The following MCRIP1 variants were observed in gnomAD, a reference collection of about 807,000 sequenced individuals.
MCRIP1 encodes mapk-regulated corepressor-interacting protein 1.
MCRIP1 carries 10 observed loss-of-function variants against 14.4 expected under a neutral mutation model. The ratio of observed to expected loss-of-function variants is 0.70; its 90% CI spans 0.43 to 1.18. MCRIP1 has a LOEUF of 1.18. Among genes scored for constraint, MCRIP1 ranks in the 50% most tolerant of loss-of-function variants. The probability of loss-of-function intolerance (pLI) is 0.00; values close to 1 mark genes in which losing one functional copy is unlikely to be tolerated. For synonymous variants in MCRIP1, 53 were observed against 55.7 expected (o/e 0.95, Z 0.21); for missense variants, 119 against 135.4 (o/e 0.88, Z 0.60).
In MCRIP1 at chr17:81,823,850, G is replaced by A. The variant is rs889496961; in HGVS notation, c.128-337C>T. 1.6e-5 allele frequency: 9 copies of A among 551,022 alleles called. No homozygotes were observed. The highest frequency in any genetic ancestry group is 5.7e-5 in the African/African-American group (3 of 52,890). The allele number at this position is 551,022 out of a possible 1,614,324, so 34.1% of individuals were successfully genotyped here. ...TCCCACCTCATCCACGCACCTCCCC[G>A]GCCCCAGCACACGGCACACTCCCCT... On this transcript the variant is annotated intron_variant, in intron 3 of 4. Transcript: ENST00000455127. The surrounding 1 kb of genome is among the most constrained non-coding windows in gnomAD (Gnocchi z 6.0).
At chr17:81,830,751 G>A (rs570081370) in intron 1 of MCRIP1, among the ~76,000 whole-genome samples, 8 of 151,248 alleles carry the variant, frequency 5.3e-5, no homozygotes, top group Non-Finnish European at 1.0e-4. Flanking sequence ...GACCAGGTGC[G>A]GTGACTCACG....
At chr17:81,828,307 G>C (rs2038452877) in intron 1 of MCRIP1, among the ~76,000 whole-genome samples, 1 of 139,130 alleles carries the variant, frequency 7.2e-6, no homozygotes, top group African/African-American at 2.8e-5. Flanking sequence ...GGCTTTCCTG[G>C]ATGTGCCAGC....
intron 2 of MCRIP1, 40 bp from the exon 3 acceptor site, chr17:81,824,445 G>T (rs1370180206): frequency 1.3e-6 from 2 of 1,534,180 alleles, no homozygotes; most frequent in Admixed American, 2.0e-5. Context: ...ACACAGCAGG[G>T]TGGGAGCCCA....
At chr17:81,831,966 A>T (rs34544633) in intron 1 of MCRIP1, among the ~76,000 whole-genome samples, 34,890 of 151,964 alleles carry the variant, frequency 0.23, 4,566 homozygotes, top group African/African-American at 0.36. Flanking sequence ...AGAGACTTCC[A>T]GGTGGGGAGG....
Position 81,823,871 on chromosome 17 carries a change from C to G in MCRIP1, c.128-358G>C, listed in dbSNP as rs1409957796. On this transcript the variant is annotated intron_variant, in intron 3 of 4. Coordinates refer to ENST00000455127, the MANE Select transcript of MCRIP1 (RefSeq NM_207368.5). This position sits in a 1 kb window ranked among gnomAD's most constrained non-coding sequence, Gnocchi z 6.0. Reference sequence around the variant, plus strand: ...CCCCGGCCCCAGCACACGGCACACTCCCCTAATCCCAGACAACCACCTCCC... The same window carrying G: ...CCCCGGCCCCAGCACACGGCACACTGCCCTAATCCCAGACAACCACCTCCC... The G allele has an allele frequency of 3.7e-6, 2 of 538,690 alleles. No homozygotes were observed. The highest frequency in any genetic ancestry group is 6.6e-6 in the Non-Finnish European group (2 of 303,734). 33.4% of individuals were successfully genotyped at this position (538,690 alleles called of 1,614,324 possible). A position where few individuals can be genotyped will look rare whatever the true frequency, so the allele number is the denominator to read the frequency against.
chr17:81,831,402 CAA>C (rs577541495), intron 1 of MCRIP1, among the ~76,000 whole-genome samples: 6,224 of 67,734 alleles, frequency 0.092, 453 homozygotes, highest in African/African-American at 0.26. Flanking sequence ...TCTCTGCCCT[CAA>C]AAAAAAAAAA....
intron 1 of MCRIP1, chr17:81,825,475 A>G (rs2038371387): frequency 1.7e-6 from 2 of 1,201,058 alleles, no homozygotes; most frequent in Non-Finnish European, 2.1e-6. Context: ...GGCTTTGAGC[A>G]CAAGCAACTC....
Position 81,823,471 on chromosome 17 carries a change from C to G in MCRIP1, c.170G>C (p.Gly57Ala), listed in dbSNP as rs1178894031. The G allele has an allele frequency of 6.5e-6, 10 of 1,536,536 alleles. No homozygotes were observed. The highest frequency in any genetic ancestry group is 8.7e-6 in the Non-Finnish European group (10 of 1,146,794). Residue 57 changes from glycine to alanine, a missense_variant, in exon 4 of 5, where the codon GGT (glycine) becomes GCT (alanine). Coordinates refer to ENST00000455127, the MANE Select transcript of MCRIP1 (RefSeq NM_207368.5). The surrounding 1 kb of genome is among the most constrained non-coding windows in gnomAD (Gnocchi z 6.0). ...VERDLRGQVP[G>A]GERGLVEEYV... ...CTCCTCCACCAGGCCCCGCTCGCCA[C>G]CCGGCACCTGGCCTCGCAGGTCTCG...
Position 81,823,523 on chromosome 17 carries a change from C to A in MCRIP1, c.128-10G>T. 6.5e-7 allele frequency: 1 copy of A among 1,535,606 alleles called. No individual in the cohort carries two copies. Among genetic ancestry groups the A allele is most frequent in the South Asian group, 1.2e-5 (1 of 84,012 alleles). On this transcript the variant is annotated splice_polypyrimidine_tract_variant and intron_variant, in intron 3 of 4. Transcript: ENST00000455127. This position sits in a 1 kb window ranked among gnomAD's most constrained non-coding sequence, Gnocchi z 6.0. ...TCCACACCCTGCCAGGCTGCAGAGG[C>A]AGAGAGTGGTGTGCTCAGGGCCCCC... is the stretch of plus-strand genomic sequence containing the variant.
intron 1 of MCRIP1, among the ~76,000 whole-genome samples, chr17:81,827,448 T>C (rs894555858): frequency 6.6e-6 from 1 of 151,534 alleles, no homozygotes; most frequent in African/African-American, 2.4e-5. Flanking sequence ...ATTTTTTGTA[T>C]TATTAGTAGA....
Position 81,823,497 on chromosome 17 carries a change from C to T in MCRIP1, c.144G>A (p.Glu48=), listed in dbSNP as rs1327791175. The T allele has an allele frequency of 2.6e-6, 4 of 1,536,236 alleles. No homozygotes were observed. Among genetic ancestry groups the T allele is most frequent in the Non-Finnish European group, 3.5e-6 (4 of 1,146,760 alleles). ...RFIYEAWQGV[E]RDLRGQVPGG... ...CCGGCACCTGGCCTCGCAGGTCTCG[C>T]TCCACACCCTGCCAGGCTGCAGAGG... Residue 48 remains glutamate (E), a synonymous_variant, in exon 4 of 5, where the codon GAG becomes GAA. Coordinates refer to ENST00000455127, the MANE Select transcript of MCRIP1 (RefSeq NM_207368.5). The surrounding 1 kb of genome is among the most constrained non-coding windows in gnomAD (Gnocchi z 6.0).
At chr17:81,826,603 T>G in intron 1 of MCRIP1, 1 of 533,968 alleles carries the variant, frequency 1.9e-6, no homozygotes, top group South Asian at 2.3e-5. Context: ...GTGGATCAGC[T>G]GAGGTCAGGA....
chr17:81,826,696 G>A (rs912252205), intron 1 of MCRIP1: 28 of 333,600 alleles, frequency 8.4e-5, no homozygotes, highest in African/African-American at 5.1e-4. Flanking sequence ...GCAGGCACCC[G>A]TAATCCCAGC....
intron 1 of MCRIP1, among the ~76,000 whole-genome samples, chr17:81,828,193 A>G (rs2038449031): frequency 6.6e-6 from 1 of 152,078 alleles, no homozygotes; most frequent in Admixed American, 6.6e-5. Flanking sequence ...GTCTTCCCAG[A>G]CACGAAGAGC....
At chr17:81,828,810 G>C (rs2038462518) in intron 1 of MCRIP1, among the ~76,000 whole-genome samples, 1 of 152,236 alleles carries the variant, frequency 6.6e-6, no homozygotes, top group Non-Finnish European at 1.5e-5. Context: ...GCCATCCACG[G>C]AGAGGGCTGG....
At chr17:81,827,134 A>G (rs1476602337) in intron 1 of MCRIP1, among the ~76,000 whole-genome samples, 2 of 151,002 alleles carry the variant, frequency 1.3e-5, no homozygotes, top group Non-Finnish European at 3.0e-5. Context: ...AAAAAAAAAA[A>G]GCCAGGTACG....
chr17:81,826,607 G>T, intron 1 of MCRIP1: 2 of 533,636 alleles, frequency 3.7e-6, no homozygotes, highest in Non-Finnish European at 6.6e-6. Context: ...ATCAGCTGAG[G>T]TCAGGAGTTT....
In MCRIP1 at chr17:81,823,545, C is replaced by T. The variant is rs2038318426; in HGVS notation, c.128-32G>A. On this transcript the variant is annotated intron_variant, in intron 3 of 4. Coordinates refer to ENST00000455127, the MANE Select transcript of MCRIP1 (RefSeq NM_207368.5). The surrounding 1 kb of genome is among the most constrained non-coding windows in gnomAD (Gnocchi z 6.0). ...AGGCAGAGAGTGGTGTGCTCAGGGC[C>T]CCCTGCCCCAGGGGGTGGCATCCAC... is the stretch of plus-strand genomic sequence containing the variant. 1.3e-6 allele frequency: 2 copies of T among 1,525,566 alleles called. No individual in the cohort carries two copies. Among genetic ancestry groups the T allele is most frequent in the Non-Finnish European group, 1.8e-6 (2 of 1,138,138 alleles). 94.5% of individuals were successfully genotyped at this position (1,525,566 alleles called of 1,614,324 possible).
At chr17:81,831,402 C>CAAAAA (rs577541495) in intron 1 of MCRIP1, among the ~76,000 whole-genome samples, 3 of 67,776 alleles carry the variant, frequency 4.4e-5, no homozygotes, top group Non-Finnish European at 6.5e-5. Context: ...TCTCTGCCCT[C>CAAAAA]AAAAAAAAAA....
Sources: gnomAD v4.1 joint callset for allele counts (sites outside exome capture counted in the v4.1 genomes callset) on GRCh38, gnomAD v4.1.1 for gene constraint, Gnocchi (gnomAD v3.1) non-coding constraint, MANE v1.5 for transcripts, NCBI Gene and HGNC (gene_info 2026-07-23, HGNC 2026-07-21) for gene names.